Variants in CYSLTR2 observed in about 807,000 individuals in gnomAD.
CYSLTR2 encodes the protein cysteinyl leukotriene receptor 2.
For synonymous variants in CYSLTR2, 179 were observed against 160.8 expected, an observed-to-expected ratio of 1.11 and a Z score of -0.86; for missense variants, 398 against 411.9, an observed-to-expected ratio of 0.97 and a Z score of 0.29.
intron 1 of CYSLTR2, among the ~76,000 whole-genome samples, chr13:48,679,862 G>A (rs1953702473): frequency 1.3e-5 from 2 of 152,140 alleles, no homozygotes; most frequent in Non-Finnish European, 2.9e-5. Context: ...CAAGAACCCC[G>A]ATGCCAATTT....
chr13:48,659,898 A>G (rs1464074631), intron 1 of CYSLTR2, among the ~76,000 whole-genome samples: 1 of 152,236 alleles, frequency 6.6e-6, no homozygotes, highest in Non-Finnish European at 1.5e-5. Flanking sequence ...ATTCATAATC[A>G]GCATCATAGA....
At chr13:48,698,852 A>G (rs2138974663) in intron 4 of CYSLTR2, among the ~76,000 whole-genome samples, 1 of 152,328 alleles carries the variant, frequency 6.6e-6, no homozygotes, top group South Asian at 2.1e-4. Flanking sequence ...GGAAAACAAA[A>G]AAAAGCAGGG....
rs1954527879 is a variant in CYSLTR2, at chr13:48,707,413, A to C, written c.596A>C (p.Gln199Pro). The change falls in exon 5 of 5, where the codon CAG becomes CCG. Residue 199 changes from glutamine (Q) to proline (P), a missense_variant. Gln to Pro is a moderately conservative substitution (Grantham distance 76). Transcript: ENST00000682523. ...AATCTCTATAAAATTGCTAAGCTGC[A>C]GACCATGAACTATATTGCCTTGGTG... ...ELNLYKIAKL[Q>P]TMNYIALVVG... 6.2e-7 allele frequency: 1 copy of C among 1,614,174 alleles called. No individual in the cohort carries two copies. The highest frequency in any genetic ancestry group is 8.5e-7 in the Non-Finnish European group (1 of 1,180,038).
chr13:48,675,804 C>T (rs751074183), intron 1 of CYSLTR2, among the ~76,000 whole-genome samples: 46 of 152,218 alleles, frequency 3.0e-4, no homozygotes, highest in African/African-American at 8.7e-4. Flanking sequence ...TCTCCTAGTC[C>T]GCAGGTTGCA....
At chr13:48,685,313 C>T (rs997808813) in intron 1 of CYSLTR2, among the ~76,000 whole-genome samples, 14 of 152,064 alleles carry the variant, frequency 9.2e-5, no homozygotes, top group South Asian at 2.1e-4. Context: ...AGAACAGCAC[C>T]GAGGGGACGG....
intron 1 of CYSLTR2, among the ~76,000 whole-genome samples, chr13:48,672,616 CT>C (rs71076039): frequency 0.022 from 2,671 of 120,060 alleles, 62 homozygotes; most frequent in African/African-American, 0.071. Context: ...CTTTTCTTTT[CT>C]TTTTTTTTTT....
intron 1 of CYSLTR2, among the ~76,000 whole-genome samples, chr13:48,656,956 T>C (rs764832532): frequency 6.6e-6 from 1 of 152,256 alleles, no homozygotes; most frequent in Non-Finnish European, 1.5e-5. Flanking sequence ...TGTATTTCTT[T>C]ATTTCTCAGG....
chr13:48,657,772 T>C (rs1953034374), intron 1 of CYSLTR2, among the ~76,000 whole-genome samples: 2 of 151,212 alleles, frequency 1.3e-5, no homozygotes, highest in South Asian at 4.2e-4. Context: ...TAAAGAGTAT[T>C]TGAAGGCATC....
intron 1 of CYSLTR2, among the ~76,000 whole-genome samples, chr13:48,684,706 C>A (rs1314248067): frequency 2.0e-5 from 3 of 152,070 alleles, no homozygotes; most frequent in Non-Finnish European, 4.4e-5. Context: ...TGTCCAAGTC[C>A]TAACCCCAGG....
intron 2 of CYSLTR2, among the ~76,000 whole-genome samples, chr13:48,691,656 A>C (rs761789591): frequency 6.6e-6 from 1 of 152,048 alleles, no homozygotes; most frequent in Non-Finnish European, 1.5e-5. Flanking sequence ...CAAAGCCCCT[A>C]GTGTTTGTTC....
chr13:48,693,268 A>G (rs1343872717), intron 2 of CYSLTR2, among the ~76,000 whole-genome samples, 170 bp from the exon 3 acceptor site: 2 of 152,020 alleles, frequency 1.3e-5, no homozygotes, highest in Non-Finnish European at 2.9e-5. Context: ...TAGTTTTTGT[A>G]TTAAAGTAAT....
chr13:48,702,824 C>CA (rs1954385770), intron 4 of CYSLTR2, among the ~76,000 whole-genome samples: 1 of 152,022 alleles, frequency 6.6e-6, no homozygotes, highest in Non-Finnish European at 1.5e-5. Context: ...TCTATATCTA[C>CA]AAAAAAACTT....
chr13:48,684,419 T>C (rs1468029132), intron 1 of CYSLTR2, among the ~76,000 whole-genome samples: 1 of 151,614 alleles, frequency 6.6e-6, no homozygotes, highest in Non-Finnish European at 1.5e-5. Context: ...CCTCTTGATG[T>C]CTTTCTAGCA....
chr13:48,704,559 G>A (rs1488730329), intron 4 of CYSLTR2, among the ~76,000 whole-genome samples: 11 of 146,112 alleles, frequency 7.5e-5, no homozygotes, highest in African/African-American at 2.5e-4. Context: ...CTTATTTCGT[G>A]ACTTTTCCTT....
chr13:48,654,304 T>TGA (rs752008097), intron 1 of CYSLTR2, among the ~76,000 whole-genome samples: 8 of 46,808 alleles, frequency 1.7e-4, no homozygotes, highest in South Asian at 1.2e-3. Flanking sequence ...TGTGTGTGTG[T>TGA]GAGTGTGTGT....
At position 48,709,439 on chromosome 13, in the gene CYSLTR2, C is replaced by T. The variant is rs1337209139; in HGVS notation, c.*1581C>T. Reference sequence around the variant, plus strand: ...ACTCAAACCCTGTCAAGACAGGACCCTGGAGGATCCTCCTATGGGGAAACT... The same window carrying T: ...ACTCAAACCCTGTCAAGACAGGACCTTGGAGGATCCTCCTATGGGGAAACT... On this transcript the variant is annotated 3_prime_UTR_variant, in exon 5 of 5. Coordinates refer to ENST00000682523, the MANE Select transcript of CYSLTR2 (RefSeq NM_001308476.3). 2 of 165,940 alleles carry T rather than the reference C, an allele frequency of 1.2e-5. No individual in the cohort carries two copies. The highest frequency in any genetic ancestry group is 2.9e-5 in the Non-Finnish European group (2 of 68,102). The allele number at this position is 165,940 out of a possible 1,614,324, so 10.3% of individuals were successfully genotyped here.
rs200631066 is a variant in CYSLTR2, at chr13:48,707,592, T to C, written c.775T>C (p.Cys259Arg). The change falls in exon 5 of 5, where the codon TGT becomes CGT. Residue 259 changes from cysteine to arginine, a missense_variant. Cys to Arg is a radical substitution (Grantham distance 180). Coordinates refer to ENST00000682523, the MANE Select transcript of CYSLTR2 (RefSeq NM_001308476.3). ...IIITLIIFFL[C>R]FLPYHTLRTV... ...CATCACCTTGATCATCTTCTTCTTG[T>C]GTTTCCTGCCCTATCACACACTGAG... is the stretch of plus-strand genomic sequence containing the variant. 1 of 1,610,740 alleles carries C rather than the reference T, an allele frequency of 6.2e-7. No individual in the cohort carries two copies. Among genetic ancestry groups the C allele is most frequent in the Non-Finnish European group, 8.5e-7 (1 of 1,180,020 alleles).
At chr13:48,668,340 C>T (rs1007300781) in intron 1 of CYSLTR2, among the ~76,000 whole-genome samples, 2 of 151,650 alleles carry the variant, frequency 1.3e-5, no homozygotes, top group African/African-American at 4.8e-5. Flanking sequence ...GAGTTAGGCA[C>T]ATTGCAGGTT....
chr13:48,694,176 C>T (rs984510391), intron 3 of CYSLTR2, among the ~76,000 whole-genome samples: 2 of 147,846 alleles, frequency 1.4e-5, no homozygotes, highest in Admixed American at 6.7e-5. Context: ...GGCTGAGAAA[C>T]GAAAAAAACA....
Sources: gnomAD v4.1 joint callset for allele counts (sites outside exome capture counted in the v4.1 genomes callset) on GRCh38, gnomAD v4.1.1 for gene constraint, MANE v1.5 for transcripts, NCBI Gene and HGNC (gene_info 2026-07-23, HGNC 2026-07-21) for gene names.